WAPL: variants seen among roughly 807,000 people sequenced by gnomAD.
WAPL encodes the protein WAPL cohesin release factor.
WAPL carries 5 observed loss-of-function variants against 121.0 expected under a neutral mutation model. The observed-to-expected ratio is 0.04, with a 90% CI of 0.02 to 0.09. The LOEUF (loss-of-function observed/expected upper bound fraction) is 0.09. Ranked by LOEUF, WAPL falls within the 10% of genes least tolerant of loss-of-function variation. The pLI, the probability that WAPL is intolerant of heterozygous loss-of-function variation, is 1.00. For synonymous variants in WAPL, 480 were observed against 481.5 expected (o/e 1.00, Z 0.04); for missense variants, 999 against 1,410.8 (o/e 0.71, Z 4.68).
intron 2 of WAPL, among the ~76,000 whole-genome samples, chr10:86,506,492 T>C (rs1034367965): frequency 1.2e-4 from 19 of 152,202 alleles, no homozygotes; most frequent in African/African-American, 4.3e-4. Flanking sequence ...ATGTCAATAT[T>C]GGCCACGTGT....
At chr10:86,499,336 G>A (rs1842203157) in intron 3 of WAPL, among the ~76,000 whole-genome samples, 1 of 152,072 alleles carries the variant, frequency 6.6e-6, no homozygotes, top group South Asian at 2.1e-4. Context: ...AAACTATGCA[G>A]CTGTTGATTC....
intron 1 of WAPL, among the ~76,000 whole-genome samples, chr10:86,520,724 G>C (rs1369546408): frequency 1.5e-5 from 2 of 134,198 alleles, no homozygotes; most frequent in African/African-American, 5.7e-5. Flanking sequence ...TTTTGCCCTA[G>C]CCCAAAATCA....
chr10:86,461,651 C>G (rs1306594216), intron 9 of WAPL, among the ~76,000 whole-genome samples: 1 of 152,210 alleles, frequency 6.6e-6, no homozygotes, highest in Non-Finnish European at 1.5e-5. Flanking sequence ...ACAAGTAACA[C>G]TCTCAGGAGC....
At chr10:86,461,441 A>G (rs1841272228) in intron 9 of WAPL, among the ~76,000 whole-genome samples, 154 bp from the exon 10 acceptor site, 1 of 152,216 alleles carries the variant, frequency 6.6e-6, no homozygotes, top group Admixed American at 6.5e-5. Flanking sequence ...AGAATAGTCC[A>G]CATTGAACAA....
chr10:86,483,324 G>A (rs1841837641), intron 4 of WAPL, among the ~76,000 whole-genome samples: 1 of 151,940 alleles, frequency 6.6e-6, no homozygotes, highest in African/African-American at 2.4e-5. Flanking sequence ...GGAGGCTGAG[G>A]CAGGAGAATT....
intron 13 of WAPL, 84 bp downstream of exon 13, chr10:86,453,572 C>A: frequency 6.9e-7 from 1 of 1,449,792 alleles, no homozygotes; most frequent in East Asian, 2.3e-5. Flanking sequence ...AAATCACTAC[C>A]CCAGGAAAAG....
intron 2 of WAPL, 140 bp downstream of exon 2, chr10:86,517,431 T>A: frequency 4.8e-6 from 6 of 1,259,932 alleles, no homozygotes; most frequent in Non-Finnish European, 6.3e-6. Flanking sequence ...TTCTTAAATG[T>A]CTTTTACAAA....
intron 4 of WAPL, among the ~76,000 whole-genome samples, chr10:86,491,801 T>C (rs973431820): frequency 2.6e-5 from 4 of 151,964 alleles, no homozygotes; most frequent in African/African-American, 9.7e-5. Context: ...ATTACATATA[T>C]TTAACATGCA....
intron 9 of WAPL, among the ~76,000 whole-genome samples, chr10:86,464,473 C>A (rs1841354959): frequency 6.6e-6 from 1 of 151,990 alleles, no homozygotes; most frequent in African/African-American, 2.4e-5. Context: ...CAAATAAAAA[C>A]TATAGGCTCA....
chr10:86,476,427 G>A (rs555813904), intron 4 of WAPL, among the ~76,000 whole-genome samples: 39 of 151,828 alleles, frequency 2.6e-4, no homozygotes, highest in South Asian at 1.0e-3. Context: ...GGTGGCTCAC[G>A]CCTGTAATCC....
intron 4 of WAPL, among the ~76,000 whole-genome samples, chr10:86,486,268 T>C (rs1214778167): frequency 1.3e-5 from 2 of 152,234 alleles, no homozygotes; most frequent in Non-Finnish European, 2.9e-5. Context: ...GAGTGGGTTC[T>C]AACTGCTAAA....
intron 9 of WAPL, 137 bp downstream of exon 9, chr10:86,467,142 T>C (rs765694617): frequency 1.5e-5 from 11 of 732,766 alleles, no homozygotes; most frequent in Non-Finnish European, 2.0e-5. Flanking sequence ...TGCTCAGATC[T>C]AAACATAAGA....
At chr10:86,520,689 G>C (rs1000435220) in intron 1 of WAPL, among the ~76,000 whole-genome samples, 3 of 147,494 alleles carry the variant, frequency 2.0e-5, no homozygotes, top group African/African-American at 7.5e-5. Context: ...AATGATTGAC[G>C]ACTAAGTCTT....
rs767428482 is a variant in WAPL at position 86,500,289 on chromosome 10, G to A, written c.954C>T (p.Thr318=). The A allele has an allele frequency of 1.2e-6, 2 of 1,614,218 alleles. No homozygotes were observed. Among genetic ancestry groups the A allele is most frequent in the Non-Finnish European group, 1.7e-6 (2 of 1,180,040 alleles). ...ASNFDKLMDG[T]SQALAKANSE... is the part of the protein sequence containing the mutation. ...TGTTTGCTTTGGCTAAGGCCTGACT[G>A]GTGCCGTCCATCAGCTTATCAAAAT... The change falls in exon 3 of 19, where the codon ACC becomes ACT. Residue 318 remains threonine, a synonymous_variant. Transcript: ENST00000298767.
rs1399256421 is a variant in WAPL at position 86,517,800 on chromosome 10, G to C, written c.270C>G (p.Ala90=). 6.2e-7 allele frequency: 1 copy of C among 1,614,114 alleles called. No individual in the cohort carries two copies. The highest frequency in any genetic ancestry group is 1.1e-5 in the South Asian group (1 of 91,080). Residue 90 remains alanine (A), a synonymous_variant, in exon 2 of 19, where the codon GCC becomes GCG. Transcript: ENST00000298767. The part of the protein sequence containing the change: ...ESLPVSSKNL[A]QVKCSSYSES... ...CTGAATAAGAGGAACACTTAACCTG[G>C]GCTAAATTCTTTGAAGAAACTGGTA...
intron 9 of WAPL, among the ~76,000 whole-genome samples, chr10:86,462,773 T>C (rs1346453765): frequency 7.0e-6 from 1 of 143,522 alleles, no homozygotes; most frequent in East Asian, 2.0e-4. Context: ...AATATAGAAC[T>C]AGAATCCAAT....
Position 86,506,859 on chromosome 10 carries a change from G to C in WAPL, c.500-6116C>G, listed in dbSNP as rs542007211. Among the ~76,000 whole-genome samples, 18 of 152,044 alleles carry C rather than the reference G, an allele frequency of 1.2e-4. No individual in the cohort carries two copies. In the South Asian group the frequency reaches 3.7e-3, roughly 32 times the overall value. ...TTCTTTGCCCTACACTGGACTAAGG[G>C]TGCCTCTTTTCCTGCAGCCCTCCCT... On this transcript the variant is annotated intron_variant, in intron 2 of 18. Coordinates refer to ENST00000298767, the MANE Select transcript of WAPL (RefSeq NM_015045.5).
At chr10:86,484,663 T>C (rs1841887720) in intron 4 of WAPL, among the ~76,000 whole-genome samples, 1 of 152,188 alleles carries the variant, frequency 6.6e-6, no homozygotes, top group African/African-American at 2.4e-5. Context: ...AAACTTGCAA[T>C]CCTGCAAGCT....
chr10:86,437,503 G>A lies in WAPL; in HGVS notation c.*40C>T. Reference sequence around the variant, plus strand: ...CTTGACTTTTCTTTGTCTAAGGATAGCTCCAGCATTACCGAGCACCTGAAG... The same window carrying A: ...CTTGACTTTTCTTTGTCTAAGGATAACTCCAGCATTACCGAGCACCTGAAG... On this transcript the variant is annotated 3_prime_UTR_variant, in exon 19 of 19. Transcript: ENST00000298767. 1 of 1,598,168 alleles carries A rather than the reference G, an allele frequency of 6.3e-7. No individual in the cohort carries two copies. The highest frequency in any genetic ancestry group is 2.2e-5 in the East Asian group (1 of 44,602).
Sources: allele counts gnomAD v4.1 joint callset (sites outside exome capture counted in the v4.1 genomes callset), GRCh38; gene constraint gnomAD v4.1.1; transcripts MANE v1.5; gene names NCBI Gene and HGNC (gene_info 2026-07-23, HGNC 2026-07-21).